Variants in PLCXD3 observed in about 807,000 individuals in gnomAD.
The protein encoded by PLCXD3 is phosphatidylinositol specific phospholipase C X domain containing 3, also known as PI-PLC X domain-containing protein 3.
In PLCXD3, 19 loss-of-function variants were observed where a neutral mutation model predicts 25.5. The observed-to-expected ratio is 0.75, with a 90% CI of 0.52 to 1.09. PLCXD3 has a LOEUF of 1.09. Among genes scored for constraint, PLCXD3 ranks in the 50% least tolerant of loss-of-function variants. PLCXD3 has a pLI of 0.00. For synonymous variants in PLCXD3, 174 were observed against 137.6 expected (o/e 1.26, Z -1.85); for missense variants, 411 against 388.1 (o/e 1.06, Z -0.50).
At chr5:41,429,274 G>A (rs1400496504) in intron 1 of PLCXD3, among the ~76,000 whole-genome samples, 1 of 151,942 alleles carries the variant, frequency 6.6e-6, no homozygotes, top group Non-Finnish European at 1.5e-5. Context: ...AATAAAGTCA[G>A]AAATGGATGA....
At chr5:41,441,972 T>C (rs1018121415) in intron 1 of PLCXD3, among the ~76,000 whole-genome samples, 1 of 152,208 alleles carries the variant, frequency 6.6e-6, no homozygotes, top group Non-Finnish European at 1.5e-5. Flanking sequence ...CTTTAAAAAC[T>C]CTGTTTGTAA....
At chr5:41,476,228 G>GA (rs1349920240) in intron 1 of PLCXD3, among the ~76,000 whole-genome samples, 2 of 152,174 alleles carry the variant, frequency 1.3e-5, no homozygotes, top group African/African-American at 2.4e-5. Context: ...AGAGTGGGCA[G>GA]AAAAAAGTTT....
intron 1 of PLCXD3, among the ~76,000 whole-genome samples, chr5:41,450,756 C>T (rs1747610447): frequency 6.6e-6 from 1 of 152,088 alleles, no homozygotes; most frequent in Admixed American, 6.6e-5. Context: ...CCTGCAGGTC[C>T]TTCTCCATGA....
intron 1 of PLCXD3, among the ~76,000 whole-genome samples, chr5:41,468,468 A>G (rs1208246179): frequency 6.6e-6 from 1 of 152,164 alleles, no homozygotes; most frequent in Non-Finnish European, 1.5e-5. Context: ...TTTTGGTGGT[A>G]TGACTATTTT....
intron 1 of PLCXD3, among the ~76,000 whole-genome samples, chr5:41,489,284 T>G (rs888797470): frequency 1.1e-4 from 17 of 152,158 alleles, no homozygotes; most frequent in African/African-American, 3.6e-4. Flanking sequence ...GTTCCATTGA[T>G]CTATATCTCT....
At chr5:41,395,397 A>G (rs1351351885) in intron 1 of PLCXD3, among the ~76,000 whole-genome samples, 1 of 152,084 alleles carries the variant, frequency 6.6e-6, no homozygotes, top group Admixed American at 6.5e-5. Flanking sequence ...TGAATAATCT[A>G]ATAATCTTAA....
intron 1 of PLCXD3, among the ~76,000 whole-genome samples, chr5:41,507,836 C>T (rs1415751991): frequency 6.6e-6 from 1 of 152,184 alleles, no homozygotes; most frequent in Non-Finnish European, 1.5e-5. Context: ...AAACATGTAG[C>T]AGCCAGGAAG....
chr5:41,387,353 G>A lies in PLCXD3; in HGVS notation c.104-4819C>T, dbSNP rs369958144. On this transcript the variant is annotated intron_variant, in intron 1 of 2. Transcript: ENST00000377801. ...AGGATCCAGCTAATTCATATCCATC[G>A]TCCTTATTTACAGAAGCTGTGAGAA... is the stretch of plus-strand genomic sequence containing the variant. Among the ~76,000 whole-genome samples the A allele has an allele frequency of 6.6e-5, 10 of 152,166 alleles. No homozygotes were observed. The East Asian group carries it at 1.5e-3, about 24-fold the overall frequency.
intron 1 of PLCXD3, among the ~76,000 whole-genome samples, chr5:41,508,355 T>C (rs1474000748): frequency 6.6e-6 from 1 of 152,218 alleles, no homozygotes; most frequent in African/African-American, 2.4e-5. Flanking sequence ...TGCTGCTGAA[T>C]CATCCAGATA....
intron 1 of PLCXD3, among the ~76,000 whole-genome samples, chr5:41,489,078 C>T (rs1748588041): frequency 6.6e-6 from 1 of 152,194 alleles, no homozygotes; most frequent in African/African-American, 2.4e-5. Flanking sequence ...ACGTTTAAGT[C>T]TTTAACCCAC....
chr5:41,440,296 G>A lies in PLCXD3; in HGVS notation c.104-57762C>T, dbSNP rs188598592. On this transcript the variant is annotated intron_variant, in intron 1 of 2. Transcript: ENST00000377801. ...CACCCAGGCTGGAGTGCAGTGGCACGATCTTGGCTCACTGCAACCTCTGCC... is the reference window on the plus strand; with the variant it reads ...CACCCAGGCTGGAGTGCAGTGGCACAATCTTGGCTCACTGCAACCTCTGCC... 3.4e-3 allele frequency among the ~76,000 whole-genome samples: 417 copies of A among 122,934 alleles called. 7 individuals carry two copies. Among genetic ancestry groups the A allele is most frequent in the African/African-American group, 0.012 (399 of 32,126 alleles). 80.6% of individuals were successfully genotyped at this position (122,934 alleles called of 152,430 possible).
intron 2 of PLCXD3, among the ~76,000 whole-genome samples, chr5:41,339,972 G>A (rs1324281192): frequency 6.6e-6 from 1 of 152,176 alleles, no homozygotes; most frequent in Admixed American, 6.6e-5. Flanking sequence ...GAGGGCCAGA[G>A]GAGCCTTCAG....
At chr5:41,484,986 G>A (rs990958297) in intron 1 of PLCXD3, among the ~76,000 whole-genome samples, 1 of 152,098 alleles carries the variant, frequency 6.6e-6, no homozygotes, top group Non-Finnish European at 1.5e-5. Context: ...TATTGACAGA[G>A]GATAGTAAGG....
chr5:41,430,555 T>G (rs867123035), intron 1 of PLCXD3, among the ~76,000 whole-genome samples: 2 of 152,140 alleles, frequency 1.3e-5, no homozygotes, highest in Non-Finnish European at 2.9e-5. Flanking sequence ...TTCACAAGCA[T>G]GGTTGGAGTT....
chr5:41,350,348 C>T (rs1481268942), intron 2 of PLCXD3, among the ~76,000 whole-genome samples: 1 of 152,160 alleles, frequency 6.6e-6, no homozygotes, highest in Admixed American at 6.6e-5. Context: ...TACTCTTCAT[C>T]TTCTCTCTGA....
rs960505994 is a variant in PLCXD3, at chr5:41,414,279, G to T, written c.104-31745C>A. On this transcript the variant is annotated intron_variant, in intron 1 of 2. Transcript: ENST00000377801. ...GATGGAGTTTCGCTCTTGTTGCCCA[G>T]GCTGGAGTGCAATGGCGCGATCTCG... Among the ~76,000 whole-genome samples, 11 of 151,974 alleles carry T rather than the reference G, an allele frequency of 7.2e-5. No homozygotes were observed. The South Asian group carries it at 2.3e-3, about 32-fold the overall frequency.
chr5:41,364,282 A>G (rs1390311496), intron 2 of PLCXD3, among the ~76,000 whole-genome samples: 1 of 152,198 alleles, frequency 6.6e-6, no homozygotes, highest in Admixed American at 6.5e-5. Flanking sequence ...CTGTTCAAGG[A>G]TAAGAATTCT....
chr5:41,481,850 G>A (rs1327514966), intron 1 of PLCXD3, among the ~76,000 whole-genome samples: 1 of 152,176 alleles, frequency 6.6e-6, no homozygotes, highest in Admixed American at 6.5e-5. Context: ...CTTAGGCCCT[G>A]TGAAACGTGA....
intron 1 of PLCXD3, among the ~76,000 whole-genome samples, chr5:41,444,405 C>G (rs1465964091): frequency 1.3e-5 from 2 of 152,168 alleles, no homozygotes; most frequent in Non-Finnish European, 2.9e-5. Context: ...TAGAGGGGCT[C>G]ATTCAGTGCT....
Sources: gnomAD v4.1 joint callset for allele counts (sites outside exome capture counted in the v4.1 genomes callset) on GRCh38, gnomAD v4.1.1 for gene constraint, MANE v1.5 for transcripts, NCBI Gene and HGNC (gene_info 2026-07-23, HGNC 2026-07-21) for gene names.